MUC4: variants seen among roughly 807,000 people sequenced by gnomAD.
MUC4 encodes mucin-4.
A neutral mutation model predicts 257.9 loss-of-function variants in MUC4; 202 were observed. That is an observed-to-expected ratio of 0.78 (90% CI 0.70 to 0.88). The LOEUF (loss-of-function observed/expected upper bound fraction) is 0.88. Ranked by LOEUF, MUC4 falls within the 40% of genes least tolerant of loss-of-function variation. MUC4 has a pLI of 0.00. For missense variants in MUC4, 5,976 were observed against 6,513.7 expected, an observed-to-expected ratio of 0.92 and a Z score of 2.84; for synonymous variants, 2,351 against 2,757.1, an observed-to-expected ratio of 0.85 and a Z score of 4.62.
Position 195,786,946 on chromosome 3 carries a change from G to T in MUC4, c.4634C>A (p.Ala1545Glu), listed in dbSNP as rs202176252. Residue 1545 changes from alanine to glutamate, a missense_variant, in exon 2 of 25, where the codon GCA becomes GAA. Around this residue, in one of 44 missense-constraint regions of MUC4, gnomAD observed 63 missense variants for 68.8 expected, o/e 0.92. Coordinates refer to ENST00000463781, the MANE Select transcript of MUC4 (RefSeq NM_018406.7). The stretch of plus-strand genomic sequence containing the variant: ...AAGAGGGGTGGTGTCACCTGTGGAT[G>T]CTGAGGAAGGGCTAGTGACAGGAAG... Reference protein sequence around the residue: ...MPLPVTSPSSASTGDTTPLPV... With the variant: ...MPLPVTSPSSESTGDTTPLPV... 1 of 909,118 alleles carries T rather than the reference G, an allele frequency of 1.1e-6. No individual in the cohort carries two copies. The highest frequency in any genetic ancestry group is 1.5e-6 in the Non-Finnish European group (1 of 684,140). 56.3% of individuals were successfully genotyped at this position (909,118 alleles called of 1,614,324 possible).
At position 195,757,169 on chromosome 3, in the gene MUC4, CT is replaced by C; in HGVS notation, c.15145del (p.Arg5049GlyfsTer53). 6.2e-7 allele frequency: 1 copy of C among 1,603,386 alleles called. No individual in the cohort carries two copies. Among genetic ancestry groups the C allele is most frequent in the Non-Finnish European group, 8.5e-7 (1 of 1,171,526 alleles). ...CACCTCCAGGGAGGAGTTGCCCACC[CT>C]GCTGGTCTGATTGTACAAACACTGG... is the stretch of plus-strand genomic sequence containing the variant. Reference protein sequence around the residue: ...ESQCLYNQTSRVGNSSLEVAG... With the variant: ...ESQCLYNQTSXVGNSSLEVAG... On this transcript the variant is annotated frameshift_variant, in exon 18 of 25. Coordinates refer to ENST00000463781, the MANE Select transcript of MUC4 (RefSeq NM_018406.7). LOFTEE classifies it high-confidence loss of function. This position sits in a 1 kb window ranked among gnomAD's most constrained non-coding sequence, Gnocchi z 4.8.
intron 7 of MUC4, among the ~76,000 whole-genome samples, chr3:195,768,097 C>T (rs1331660786): frequency 1.3e-5 from 2 of 152,106 alleles, no homozygotes; most frequent in Admixed American, 6.5e-5. Flanking sequence ...TTTCCTCCTC[C>T]CTGACACAAG....
At chr3:195,767,865 A>ACACCACCATCACCACCAT (rs1721779638) in intron 7 of MUC4, among the ~76,000 whole-genome samples, 1 of 52,168 alleles carries the variant, frequency 1.9e-5, no homozygotes, top group African/African-American at 8.5e-5. Context: ...ATCACCCCCA[A>ACACCACCATCACCACCAT]CACCACCACC....
At chr3:195,767,458 A>ACT (rs1254380940) in intron 7 of MUC4, among the ~76,000 whole-genome samples, 2 of 143,304 alleles carry the variant, frequency 1.4e-5, no homozygotes, top group East Asian at 3.1e-4. Context: ...CACCACCACC[A>ACT]ACACTACCAC....
At chr3:195,759,437 T>C (rs542820393) in intron 16 of MUC4, among the ~76,000 whole-genome samples, 176 bp from the exon 17 acceptor site, 1 of 152,332 alleles carries the variant, frequency 6.6e-6, no homozygotes, top group East Asian at 1.9e-4. Context: ...GCTGGGACTG[T>C]ACTGCCCACC....
chr3:195,779,179 A>T lies in MUC4; in HGVS notation c.12401T>A (p.Leu4134His). 3.7e-6 allele frequency: 5 copies of T among 1,346,454 alleles called. No homozygotes were observed. Among genetic ancestry groups the T allele is most frequent in the African/African-American group, 2.4e-5 (1 of 41,018 alleles). 83.4% of individuals were successfully genotyped at this position (1,346,454 alleles called of 1,614,324 possible). ...GQATPLPVTS[L>H]SSVSTGDTTP... ...GGTGTCACCTGTGGATACTGAGGAAAGGCTGGTGACAGGAAGAGGGGTGGC... is the reference window on the plus strand; with the variant it reads ...GGTGTCACCTGTGGATACTGAGGAATGGCTGGTGACAGGAAGAGGGGTGGC... The change falls in exon 2 of 25, where the codon CTT (leucine) becomes CAT (histidine). Residue 4134 changes from leucine (L) to histidine (H), a missense_variant. Leu to His is a moderately conservative substitution (Grantham distance 99). Around this residue, in one of 44 missense-constraint regions of MUC4, gnomAD observed 293 missense variants for 294.5 expected, o/e 1.00. Transcript: ENST00000463781.
chr3:195,805,838 G>A (rs937203376), intron 1 of MUC4, among the ~76,000 whole-genome samples: 14 of 152,046 alleles, frequency 9.2e-5, no homozygotes, highest in African/African-American at 3.4e-4. Context: ...AATCTGGGCC[G>A]GGCGCAGTGG....
Position 195,765,388 on chromosome 3 carries a change from C to G in MUC4, c.13680G>C (p.Glu4560Asp), listed in dbSNP as rs1176001241. The change falls in exon 9 of 25, where the codon GAG (glutamate) becomes GAC (aspartate). Residue 4560 changes from glutamate (E) to aspartate (D), a missense_variant. By Grantham distance (45) the Glu-to-Asp change is conservative. Around this residue, in one of 44 missense-constraint regions of MUC4, gnomAD observed 996 missense variants for 1,137.3 expected, o/e 0.88. Coordinates refer to ENST00000463781, the MANE Select transcript of MUC4 (RefSeq NM_018406.7). ...GCTGGCTCTTCAGCCACTGCAGGCACTCGAGACGGTAGTTGGGCCTTTCTT... is the reference window on the plus strand; with the variant it reads ...GCTGGCTCTTCAGCCACTGCAGGCAGTCGAGACGGTAGTTGGGCCTTTCTT... Reference protein sequence around the residue: ...HREERPNYRLECLQWLKSQPR... With the variant: ...HREERPNYRLDCLQWLKSQPR... 6.2e-7 allele frequency: 1 copy of G among 1,613,558 alleles called. No individual in the cohort carries two copies. The highest frequency in any genetic ancestry group is 2.2e-5 in the East Asian group (1 of 44,864).
At chr3:195,795,547 T>C (rs768269557) in intron 1 of MUC4, among the ~76,000 whole-genome samples, 10 of 152,060 alleles carry the variant, frequency 6.6e-5, no homozygotes, top group Admixed American at 4.6e-4. Flanking sequence ...GTGAAGAAGT[T>C]AACAACTAAG....
Position 195,771,733 on chromosome 3 carries a change from T to C in MUC4, c.13161A>G (p.Thr4387=). 1 of 1,613,868 alleles carries C rather than the reference T, an allele frequency of 6.2e-7. No individual in the cohort carries two copies. Among genetic ancestry groups the C allele is most frequent in the Non-Finnish European group, 8.5e-7 (1 of 1,179,834 alleles). Residue 4387 remains threonine, a synonymous_variant, in exon 5 of 25, where the codon ACA becomes ACG. Transcript: ENST00000463781. ...CCACCAGGGCCACAGGGTCCCGGCC[T>C]GTGAAGCCTGTTGGGAGTGGGTTGG... is the stretch of plus-strand genomic sequence containing the variant. ...SYPNPLPTGF[T]GRDPVALVAP...
intron 10 of MUC4, among the ~76,000 whole-genome samples, chr3:195,764,640 C>T (rs1720021437): frequency 6.6e-6 from 1 of 151,970 alleles, no homozygotes; most frequent in Admixed American, 6.6e-5. Context: ...CCCCTGCGCT[C>T]TCCAGCTCCC....
intron 1 of MUC4, among the ~76,000 whole-genome samples, chr3:195,797,095 T>A (rs528071276): frequency 8.0e-4 from 121 of 151,756 alleles, no homozygotes; most frequent in East Asian, 1.4e-3. Context: ...ATACAAAAAA[T>A]TTGTATTTTT....
At position 195,796,279 on chromosome 3, in the gene MUC4, C is replaced by T. The variant is rs982129110; in HGVS notation, c.83-4782G>A. Reference sequence around the variant, plus strand: ...TGTATTTTTAGTAGAGACTGGGTTTCACCATGTCGTCCTGGCTGGTCTCAA... The same window carrying T: ...TGTATTTTTAGTAGAGACTGGGTTTTACCATGTCGTCCTGGCTGGTCTCAA... On this transcript the variant is annotated intron_variant, in intron 1 of 24. Transcript: ENST00000463781. Among the ~76,000 whole-genome samples the T allele has an allele frequency of 4.6e-5, 7 of 151,998 alleles. No individual in the cohort carries two copies. In the East Asian group the frequency reaches 1.2e-3, roughly 25 times the overall value.
intron 24 of MUC4, among the ~76,000 whole-genome samples, chr3:195,747,988 G>A (rs1230436236): frequency 3.4e-5 from 3 of 87,986 alleles, no homozygotes; most frequent in East Asian, 5.5e-4. Flanking sequence ...GCCCCGCCCC[G>A]CCCCGCCCAC....
rs766829672 is a variant in MUC4, at chr3:195,790,603, T to C, written c.977A>G (p.Gln326Arg). ...TCTGGTGGTCTCCACGCTCTGAGTC[T>C]GGTGGTTCTTAGAAAAAGCTGTTGT... ...QDTTAFSKNH[Q>R]TQSVETTRVS... Residue 326 changes from glutamine to arginine, a missense_variant, in exon 2 of 25, where the codon CAG (glutamine) becomes CGG (arginine). Transcript: ENST00000463781. 4 of 1,613,904 alleles carry C rather than the reference T, an allele frequency of 2.5e-6. No homozygotes were observed. The highest frequency in any genetic ancestry group is 4.5e-5 in the East Asian group (2 of 44,894).
At chr3:195,748,794 TG>T in intron 24 of MUC4, 107 bp downstream of exon 24, 1 of 1,361,570 alleles carries the variant, frequency 7.3e-7, no homozygotes, top group African/African-American at 1.5e-5. Flanking sequence ...CTCTCTTCCC[TG>T]GTCTCTGATC....
chr3:195,760,791 T>C, intron 16 of MUC4, 93 bp downstream of exon 16: 2 of 1,016,516 alleles, frequency 2.0e-6, no homozygotes, highest in Non-Finnish European at 3.1e-6. Flanking sequence ...GCTCAGTGAA[T>C]GCAGATGCAC....
chr3:195,794,414 GAA>G lies in MUC4; in HGVS notation c.83-2919_83-2918del, dbSNP rs368909775. Among the ~76,000 whole-genome samples, 668 of 151,902 alleles carry G rather than the reference GAA, an allele frequency of 4.4e-3. 5 individuals carry two copies. Among genetic ancestry groups the G allele is most frequent in the African/African-American group, 0.015 (638 of 41,372 alleles). On this transcript the variant is annotated intron_variant, in intron 1 of 24. Transcript: ENST00000463781. ...GAGAAGAAAGAGAGAGAGAGAGAAA[GAA>G]AGAGAGAGAGAGAAAGAGAGACAGG...
chr3:195,752,177 G>A (rs1716573568), intron 21 of MUC4, 196 bp downstream of exon 21: 1 of 597,222 alleles, frequency 1.7e-6, no homozygotes, highest in Non-Finnish European at 3.0e-6. Context: ...CTCTGCTTAT[G>A]ATGAGTCGAG....
Sources: gnomAD v4.1 joint callset for allele counts (sites outside exome capture counted in the v4.1 genomes callset) on GRCh38, gnomAD v4.1.1 for gene constraint, gnomAD v4.1.1 regional missense constraint, Gnocchi (gnomAD v3.1) non-coding constraint, MANE v1.5 for transcripts, NCBI Gene and HGNC (gene_info 2026-07-23, HGNC 2026-07-21) for gene names.